The following VIL1 variants were observed in gnomAD, a reference collection of about 807,000 sequenced individuals.
VIL1 encodes the protein villin-1.
Under a neutral mutation model 104.0 loss-of-function variants are expected in VIL1, and 86 were observed. The ratio of observed to expected loss-of-function variants is 0.83; its 90% CI spans 0.69 to 0.99. The LOEUF (loss-of-function observed/expected upper bound fraction) is 0.99. Among genes scored for constraint, VIL1 ranks in the 50% least tolerant of loss-of-function variants. VIL1 has a pLI of 0.00. For synonymous variants in VIL1, 394 were observed against 412.6 expected, an observed-to-expected ratio of 0.95 and a Z score of 0.55; for missense variants, 944 against 1,054.1, an observed-to-expected ratio of 0.90 and a Z score of 1.45.
Position 218,434,605 on chromosome 2 carries a change from A to G in VIL1, c.1580A>G (p.Asn527Ser). The change falls in exon 14 of 20, where the codon AAC becomes AGC. Residue 527 changes from asparagine to serine, a missense_variant. Asn to Ser is a conservative substitution (Grantham distance 46). Coordinates refer to ENST00000248444, the MANE Select transcript of VIL1 (RefSeq NM_007127.3). Reference sequence around the variant, plus strand: ...CAGGTCCAGGGAACTGGCGCCAACAACACCAAGGCCTTTGAGGTCCCAGCG... The same window carrying G: ...CAGGTCCAGGGAACTGGCGCCAACAGCACCAAGGCCTTTGAGGTCCCAGCG... ...LFQVQGTGAN[N>S]TKAFEVPARA... 1 of 1,614,070 alleles carries G rather than the reference A, an allele frequency of 6.2e-7. No individual in the cohort carries two copies. Among genetic ancestry groups the G allele is most frequent in the Non-Finnish European group, 8.5e-7 (1 of 1,180,012 alleles).
At position 218,435,365 on chromosome 2, in the gene VIL1, T is replaced by C. The variant is rs570117505; in HGVS notation, c.1757T>C (p.Val586Ala). The change falls in exon 15 of 20, where the codon GTG becomes GCG. Residue 586 changes from valine (V) to alanine (A), a missense_variant. Coordinates refer to ENST00000248444, the MANE Select transcript of VIL1 (RefSeq NM_007127.3). ...TCCCGGACGGAGAAGCAAGTGGTGGTGGAAGGGCAGGAGCCAGCCAACTTC... is the reference window on the plus strand; with the variant it reads ...TCCCGGACGGAGAAGCAAGTGGTGGCGGAAGGGCAGGAGCCAGCCAACTTC... Reference protein sequence around the residue: ...TISRTEKQVVVEGQEPANFWM... With the variant: ...TISRTEKQVVAEGQEPANFWM... 1.2e-6 allele frequency: 2 copies of C among 1,613,856 alleles called. No individual in the cohort carries two copies. The highest frequency in any genetic ancestry group is 2.2e-5 in the South Asian group (2 of 91,066).
At chr2:218,439,204 T>A (rs1376208667) in intron 18 of VIL1, among the ~76,000 whole-genome samples, 7 of 151,976 alleles carry the variant, frequency 4.6e-5, no homozygotes, top group Non-Finnish European at 7.4e-5. Context: ...GTGCTAGGAT[T>A]GCAGGCATGA....
At chr2:218,437,040 G>A (rs908777693) in intron 16 of VIL1, 84 bp from the exon 17 acceptor site, 3 of 1,511,706 alleles carry the variant, frequency 2.0e-6, no homozygotes, top group Non-Finnish European at 2.7e-6. Context: ...CAAGGTCAGG[G>A]TTTCACTGTT....
chr2:218,431,211 C>T (rs777382978), intron 10 of VIL1: 62 of 484,662 alleles, frequency 1.3e-4, no homozygotes, highest in Non-Finnish European at 2.1e-4. Context: ...ATTAGCCAAG[C>T]ATGGTGGTGC....
Position 218,432,810 on chromosome 2 carries a change from A to G in VIL1, c.1359A>G (p.Gln453=), listed in dbSNP as rs769515750. The change falls in exon 13 of 20, where the codon CAA becomes CAG. Residue 453 remains glutamine (Q), a synonymous_variant. Transcript: ENST00000248444. ...ATCCCCAGGGCAGCCAGGCCAGCCA[A>G]GATGAAATTACAGCATCAGCTTATC... The part of the protein sequence containing the change: ...LYVWQGSQAS[Q]DEITASAYQA... The G allele has an allele frequency of 6.2e-7, 1 of 1,614,194 alleles. No individual in the cohort carries two copies. Among genetic ancestry groups the G allele is most frequent in the Non-Finnish European group, 8.5e-7 (1 of 1,180,016 alleles).
chr2:218,427,895 G>T, intron 4 of VIL1, 70 bp from the exon 5 acceptor site: 1 of 1,476,600 alleles, frequency 6.8e-7, no homozygotes, highest in South Asian at 1.1e-5. Flanking sequence ...TGGCAGCCAG[G>T]ACCTGGGAGA....
intron 1 of VIL1, among the ~76,000 whole-genome samples, chr2:218,422,013 G>C (rs753404656): frequency 1.3e-5 from 2 of 152,166 alleles, no homozygotes; most frequent in Non-Finnish European, 2.9e-5. Context: ...CAGCAATTTA[G>C]GAGGCTGAGG....
chr2:218,432,623 A>T, intron 12 of VIL1, 170 bp from the exon 13 acceptor site: 1 of 937,586 alleles, frequency 1.1e-6, no homozygotes, highest in Non-Finnish European at 1.6e-6. Flanking sequence ...ATCAGAACTG[A>T]GGTATGGTTC....
At chr2:218,422,151 G>A (rs12618127) in intron 1 of VIL1, among the ~76,000 whole-genome samples, 145,546 of 152,144 alleles carry the variant, frequency 0.96, 69,941 homozygotes, top group East Asian at 1. Flanking sequence ...GCTACTTGGG[G>A]GGCTGAGGCA....
chr2:218,419,266 T>G (rs540304869), intron 1 of VIL1, 98 bp downstream of exon 1: 24 of 152,394 alleles, frequency 1.6e-4, no homozygotes, highest in African/African-American at 5.8e-4. Context: ...CTGGAGCACC[T>G]TGGTACGGGC....
chr2:218,423,212 A>T (rs1053158248), intron 1 of VIL1, among the ~76,000 whole-genome samples: 1 of 152,098 alleles, frequency 6.6e-6, no homozygotes, highest in African/African-American at 2.4e-5. Flanking sequence ...CCTGGCCCAC[A>T]TGGGGAAACC....
At chr2:218,439,629 C>T (rs766327509) in intron 18 of VIL1, among the ~76,000 whole-genome samples, 2 of 151,726 alleles carry the variant, frequency 1.3e-5, no homozygotes, top group Admixed American at 6.6e-5. Context: ...GACTAGTCTT[C>T]GTAACATGGG....
chr2:218,440,581 T>C (rs2106396231), intron 18 of VIL1, 141 bp from the exon 19 acceptor site: 1 of 1,003,472 alleles, frequency 1.0e-6, no homozygotes, highest in Middle Eastern at 2.8e-4. Context: ...ATGTTGTTCT[T>C]ATGAGTGTGT....
intron 17 of VIL1, among the ~76,000 whole-genome samples, chr2:218,437,521 G>C (rs1689217090): frequency 6.6e-6 from 1 of 152,250 alleles, no homozygotes; most frequent in African/African-American, 2.4e-5. Context: ...GCTAATTATA[G>C]TGCCTTGTTT....
rs534655870 is a variant in VIL1, at chr2:218,450,789, C to T, written c.*1453C>T. On this transcript the variant is annotated 3_prime_UTR_variant, in exon 20 of 20. Coordinates refer to ENST00000248444, the MANE Select transcript of VIL1 (RefSeq NM_007127.3). Reference sequence around the variant, plus strand: ...TCTTATGCCAATGGACATACCTATACTTTGAACCTCTGTACTTTTAAGAAA... The same window carrying T: ...TCTTATGCCAATGGACATACCTATATTTTGAACCTCTGTACTTTTAAGAAA... 6.6e-6 allele frequency: 1 copy of T among 152,222 alleles called. No homozygotes were observed. The highest frequency in any genetic ancestry group is 2.4e-5 in the African/African-American group (1 of 41,454). 9.4% of individuals were successfully genotyped at this position (152,222 alleles called of 1,614,324 possible).
chr2:218,444,405 G>A (rs1328348402), intron 19 of VIL1, among the ~76,000 whole-genome samples: 1 of 151,320 alleles, frequency 6.6e-6, no homozygotes, highest in African/African-American at 2.4e-5. Context: ...TCAGCCTCCC[G>A]AGTAGCTGGG....
At chr2:218,435,893 T>A (rs1014770831) in intron 15 of VIL1, among the ~76,000 whole-genome samples, 20 of 152,146 alleles carry the variant, frequency 1.3e-4, no homozygotes, top group Admixed American at 1.2e-3. Context: ...AATGCAGTGG[T>A]GCAATCTCAG....
At chr2:218,430,371 A>G (rs115080798) in intron 9 of VIL1, among the ~76,000 whole-genome samples, 3,357 of 152,224 alleles carry the variant, frequency 0.022, 124 homozygotes, top group African/African-American at 0.074. Context: ...GCTTGGGGCC[A>G]GTGTTGGATT....
chr2:218,436,544 G>T lies in VIL1; in HGVS notation c.1889G>T (p.Arg630Leu), dbSNP rs142481514. 2 of 1,613,878 alleles carry T rather than the reference G, an allele frequency of 1.2e-6. No individual in the cohort carries two copies. The highest frequency in any genetic ancestry group is 1.3e-5 in the African/African-American group (1 of 74,820). The stretch of plus-strand genomic sequence containing the variant: ...TTTGAGTGTTCCAACAAGACTGGGC[G>T]CTTCCTGGCCACAGAGATCCCTGAC... ...RLFECSNKTG[R>L]FLATEIPDFN... The change falls in exon 16 of 20, where the codon CGC becomes CTC. Residue 630 changes from arginine (R) to leucine (L), a missense_variant. By Grantham distance (102) the Arg-to-Leu change is moderately radical (BLOSUM62 -2). Coordinates refer to ENST00000248444, the MANE Select transcript of VIL1 (RefSeq NM_007127.3).
Sources: gnomAD v4.1 joint callset for allele counts (sites outside exome capture counted in the v4.1 genomes callset) on GRCh38, gnomAD v4.1.1 for gene constraint, MANE v1.5 for transcripts, NCBI Gene and HGNC (gene_info 2026-07-23, HGNC 2026-07-21) for gene names.